Variants in FAHD1 observed in about 807,000 individuals in gnomAD.
FAHD1 encodes FAH domain containing oxaloacetate decarboxylase 1.
In FAHD1, 14 loss-of-function variants were observed where a neutral mutation model predicts 12.7. That is an observed-to-expected ratio of 1.10 (90% confidence interval 0.73 to 1.72). The LOEUF is 1.72. FAHD1 is among the 40% of genes most tolerant of loss of function. The probability of loss-of-function intolerance (pLI) is 0.00; values close to 1 mark genes in which losing one functional copy is unlikely to be tolerated. For missense variants in FAHD1, 351 were observed against 298.9 expected (o/e 1.17, Z -1.29); for synonymous variants, 153 against 124.9 (o/e 1.22, Z -1.50).
downstream of FAHD1, among the ~76,000 whole-genome samples, chr16:1,830,901 C>T (rs1427528160): frequency 8.4e-6 from 1 of 119,458 alleles, no homozygotes; most frequent in Non-Finnish European, 1.7e-5. Flanking sequence ...TGCAGACATG[C>T]ACCTCTCTCT....
chr16:1,830,947 C>CCTT (rs780653336), downstream of FAHD1, among the ~76,000 whole-genome samples: 200 of 152,022 alleles, frequency 1.3e-3, no homozygotes, highest in South Asian at 2.7e-3. Context: ...CACACACACC[C>CCTT]ATATTTTGGA....
At chr16:1,838,951 C>A (rs981441679) in intron 2 of FAHD1, among the ~76,000 whole-genome samples, 1 of 152,222 alleles carries the variant, frequency 6.6e-6, no homozygotes, top group Non-Finnish European at 1.5e-5. Flanking sequence ...CTTGGCCTCC[C>A]AAAGTGCTGA....
chr16:1,832,181 T>TTTTC (rs1898633186), downstream of FAHD1, among the ~76,000 whole-genome samples: 2 of 91,716 alleles, frequency 2.2e-5, no homozygotes, highest in Admixed American at 2.5e-4. Context: ...GGTCATTCTT[T>TTTTC]TTTTTTTTTT....
chr16:1,828,137 C>A (rs1231910396), exon 1 of FAHD1: 3 of 897,814 alleles, frequency 3.3e-6, no homozygotes, highest in Non-Finnish European at 4.5e-6. Flanking sequence ...AAAAATTAGC[C>A]GGGCGTGGTG....
exon 3 of FAHD1, chr16:1,839,468 G>A (rs374156977): frequency 1.9e-6 from 3 of 1,572,388 alleles, no homozygotes; most frequent in East Asian, 2.2e-5. Flanking sequence ...ATGATAAAAT[G>A]TGATGCCCTA....
In FAHD1 at chr16:1,834,498, C is replaced by A. The variant is rs112720737; in HGVS notation, c.628-3518C>A. 156 of 552,076 alleles carry A rather than the reference C, an allele frequency of 2.8e-4. 1 individual carries two copies. The highest frequency in any genetic ancestry group is 2.6e-3 in the African/African-American group (134 of 51,970). The allele number at this position is 552,076 out of a possible 1,614,324, so 34.2% of individuals were successfully genotyped here. On this transcript the variant is annotated intron_variant, in intron 1 of 2. Coordinates refer to the FAHD1 transcript ENST00000382666. ...TGTTTACAGATACTAATATAAACTT[C>A]CATTAGAGCTGTAAGATGATGGGAA...
chr16:1,831,080 G>A (rs1468827026), downstream of FAHD1, among the ~76,000 whole-genome samples: 8 of 152,248 alleles, frequency 5.3e-5, no homozygotes, highest in Non-Finnish European at 7.3e-5. Context: ...ATTCCACAGT[G>A]TATTAGTCTG....
intron 1 of FAHD1, chr16:1,837,753 A>C: frequency 9.3e-7 from 1 of 1,078,210 alleles, no homozygotes; most frequent in Non-Finnish European, 1.3e-6. Flanking sequence ...ATAAATATAT[A>C]GAATAATATG....
At chr16:1,837,918 A>C in intron 1 of FAHD1, 10 of 1,457,194 alleles carry the variant, frequency 6.9e-6, no homozygotes, top group Non-Finnish European at 9.1e-6. Flanking sequence ...GTTTACAAAG[A>C]AAATTCATTT....
At chr16:1,830,739 G>A (rs62038394), downstream of FAHD1, among the ~76,000 whole-genome samples, 27,062 of 152,024 alleles carry the variant, frequency 0.18, 2,573 homozygotes, top group South Asian at 0.27. Flanking sequence ...GTTTTTCCAC[G>A]TTTTGAATAC....
chr16:1,832,178 C>CT (rs57889123), downstream of FAHD1, among the ~76,000 whole-genome samples: 11 of 108,836 alleles, frequency 1.0e-4, 1 homozygote, highest in African/African-American at 2.4e-4. Flanking sequence ...TATGGTCATT[C>CT]TTTTTTTTTT....
chr16:1,829,128 C>T (rs927227105), downstream of FAHD1, among the ~76,000 whole-genome samples: 2 of 152,176 alleles, frequency 1.3e-5, no homozygotes, highest in African/African-American at 2.4e-5. Context: ...CTGCACCCTC[C>T]TCTGAAAAAA....
chr16:1,832,926 C>T (rs1036867878), downstream of FAHD1, among the ~76,000 whole-genome samples: 5 of 152,314 alleles, frequency 3.3e-5, no homozygotes, highest in South Asian at 2.1e-4. Flanking sequence ...CTGCATCCCT[C>T]CTCTGTGGCT....
chr16:1,827,355 C>A, exon 1 of FAHD1: 1 of 1,613,070 alleles, frequency 6.2e-7, no homozygotes, highest in Non-Finnish European at 8.5e-7. Context: ...TGAGCGAGCC[C>A]GTGCTGTTCC....
chr16:1,832,423 A>G (rs1012080003), downstream of FAHD1, among the ~76,000 whole-genome samples: 5 of 149,694 alleles, frequency 3.3e-5, no homozygotes, highest in East Asian at 2.0e-4. Context: ...CACCCACCTC[A>G]GCCTCCCAAA....
chr16:1,828,686 A>G (rs1423642728), exon 1 of FAHD1: 4 of 922,874 alleles, frequency 4.3e-6, no homozygotes, highest in African/African-American at 1.8e-5. Flanking sequence ...TGATAGGATT[A>G]ATCTCCAGTG....
chr16:1,830,074 G>A (rs571806636), downstream of FAHD1, among the ~76,000 whole-genome samples: 1 of 152,352 alleles, frequency 6.6e-6, no homozygotes, highest in South Asian at 2.1e-4. Context: ...TGTTGGTCAA[G>A]CTGGTCTCGA....
chr16:1,838,588 A>T (rs1898811391), intron 2 of FAHD1, among the ~76,000 whole-genome samples: 1 of 152,192 alleles, frequency 6.6e-6, no homozygotes, highest in Non-Finnish European at 1.5e-5. Flanking sequence ...AACACAGCCA[A>T]ATCTTCCTAG....
downstream of FAHD1, among the ~76,000 whole-genome samples, chr16:1,830,312 A>G (rs889073643): frequency 2.6e-5 from 4 of 152,200 alleles, no homozygotes; most frequent in African/African-American, 9.7e-5. Flanking sequence ...GATTGTCTCT[A>G]ATGATTTGCT....
Sources: allele counts gnomAD v4.1 joint callset (sites outside exome capture counted in the v4.1 genomes callset), GRCh38; gene constraint gnomAD v4.1.1; transcripts MANE v1.5; gene names NCBI Gene and HGNC (gene_info 2026-07-23, HGNC 2026-07-21).